The following RBM47 variants were observed in gnomAD, a reference collection of about 807,000 sequenced individuals.
RBM47 encodes the protein RNA-binding protein 47.
In RBM47, 21 loss-of-function variants were observed where a neutral mutation model predicts 47.1. The observed-to-expected ratio is 0.45, with a 90% CI of 0.32 to 0.64. The LOEUF (loss-of-function observed/expected upper bound fraction) is 0.64, where lower values mean the gene tolerates loss of function less well. RBM47 is among the 30% of genes least tolerant of loss of function. The pLI is 0.05. For synonymous variants in RBM47, 375 were observed against 361.7 expected (o/e 1.04, Z -0.42); for missense variants, 708 against 870.9 (o/e 0.81, Z 2.35).
chr4:40,502,904 C>G (rs1443020998), intron 2 of RBM47, among the ~76,000 whole-genome samples: 1 of 149,834 alleles, frequency 6.7e-6, no homozygotes, highest in South Asian at 2.1e-4. Context: ...CTTTGGGAGG[C>G]CAAGGCAGGA....
Position 40,438,537 on chromosome 4 carries a change from G to C in RBM47, c.357C>G (p.Cys119Trp). ...CTGCGCGCTTGGCCTCGTGCTTGTG[G>C]CAGTACATGACGAAGGCGTAGCCGC... is the stretch of plus-strand genomic sequence containing the variant. Reference protein sequence around the residue: ...KNRGYAFVMYCHKHEAKRAVR... With the variant: ...KNRGYAFVMYWHKHEAKRAVR... The change falls in exon 4 of 7, where the codon TGC (cysteine) becomes TGG (tryptophan). Residue 119 changes from cysteine to tryptophan, a missense_variant. Cys to Trp is a radical substitution (Grantham distance 215). Transcript: ENST00000295971. 6.2e-7 allele frequency: 1 copy of C among 1,613,856 alleles called. No homozygotes were observed. The highest frequency in any genetic ancestry group is 8.5e-7 in the Non-Finnish European group (1 of 1,179,950).
Position 40,629,459 on chromosome 4 carries a change from C to A in RBM47, c.-303G>T, listed in dbSNP as rs12498424. The stretch of plus-strand genomic sequence containing the variant: ...ATTAACACCATTCACAGCCCAGGAG[C>A]AACTTAACACAGCTAGGAAGTCACC... On this transcript the variant is annotated 5_prime_UTR_variant, in exon 1 of 7. Transcript: ENST00000295971. 32,568 of 152,090 alleles carry A rather than the reference C, an allele frequency of 0.21. 3,706 individuals are homozygous for A. Among genetic ancestry groups the A allele is most frequent in the Admixed American group, 0.28 (4,276 of 15,262 alleles). The allele number at this position is 152,090 out of a possible 1,614,324, so 9.4% of individuals were successfully genotyped here.
At chr4:40,496,393 G>T (rs1475701021) in intron 2 of RBM47, among the ~76,000 whole-genome samples, 1 of 151,528 alleles carries the variant, frequency 6.6e-6, no homozygotes, top group Non-Finnish European at 1.5e-5. Flanking sequence ...ATCTTTGTAG[G>T]GTCCTGGGCC....
At chr4:40,455,742 C>A (rs540878315) in intron 3 of RBM47, 1 of 152,208 alleles carries the variant, frequency 6.6e-6, no homozygotes, top group South Asian at 2.1e-4. Context: ...AGAGGGTAAC[C>A]CTGCCTCATA....
At chr4:40,446,032 C>T (rs1283511860) in intron 3 of RBM47, among the ~76,000 whole-genome samples, 3 of 152,212 alleles carry the variant, frequency 2.0e-5, no homozygotes, top group African/African-American at 4.8e-5. Context: ...TAGAGTCAGA[C>T]AGTCTGAAGT....
chr4:40,602,083 G>A (rs967672280), intron 1 of RBM47, among the ~76,000 whole-genome samples: 1 of 152,132 alleles, frequency 6.6e-6, no homozygotes, highest in African/African-American at 2.4e-5. Flanking sequence ...CAGGAGAATC[G>A]CTTGAGCCCG....
intron 1 of RBM47, among the ~76,000 whole-genome samples, chr4:40,573,939 A>G (rs1248774401): frequency 6.6e-6 from 1 of 152,260 alleles, no homozygotes; most frequent in Non-Finnish European, 1.5e-5. Flanking sequence ...AAAACTTTAT[A>G]AAATTGTATT....
chr4:40,615,508 TGG>T (rs1736643098), intron 1 of RBM47, among the ~76,000 whole-genome samples: 1 of 152,034 alleles, frequency 6.6e-6, no homozygotes. Flanking sequence ...TAGCCAGATA[TGG>T]TGGCTCACAC....
chr4:40,576,318 T>A (rs529352676), intron 1 of RBM47, among the ~76,000 whole-genome samples: 1 of 151,620 alleles, frequency 6.6e-6, no homozygotes, highest in South Asian at 2.1e-4. Context: ...CCTGATCAAT[T>A]TTTTAAAAAA....
In RBM47 at chr4:40,425,887, C is replaced by T. The variant is rs139448141; in HGVS notation, c.*17G>A. On this transcript the variant is annotated 3_prime_UTR_variant, in exon 7 of 7. Transcript: ENST00000295971. ...CAGTGGTGTTTGTGTGGTCTGTCTTCGTGCTGGTCACCAGCCTCAGTATGT... is the reference window on the plus strand; with the variant it reads ...CAGTGGTGTTTGTGTGGTCTGTCTTTGTGCTGGTCACCAGCCTCAGTATGT... The T allele has an allele frequency of 1.1e-5, 18 of 1,613,082 alleles. No individual in the cohort carries two copies. The highest frequency in any genetic ancestry group is 4.0e-5 in the African/African-American group (3 of 75,036).
chr4:40,606,334 G>A (rs1449723216), intron 1 of RBM47, among the ~76,000 whole-genome samples: 1 of 151,828 alleles, frequency 6.6e-6, no homozygotes, highest in African/African-American at 2.4e-5. Flanking sequence ...GAGAATCAGG[G>A]AACTTCTGGG....
At chr4:40,601,506 A>G (rs554045441) in intron 1 of RBM47, among the ~76,000 whole-genome samples, 1 of 152,254 alleles carries the variant, frequency 6.6e-6, no homozygotes, top group Non-Finnish European at 1.5e-5. Context: ...AAAGATTTCA[A>G]TGACATCTCA....
chr4:40,432,889 A>T (rs1320791899), intron 5 of RBM47, 27 bp from the exon 6 acceptor site: 12 of 1,612,086 alleles, frequency 7.4e-6, no homozygotes, highest in Non-Finnish European at 9.3e-6. Flanking sequence ...AAGGAAAAAC[A>T]GGTCAATCAC....
At chr4:40,502,821 G>A (rs1000952437) in intron 2 of RBM47, among the ~76,000 whole-genome samples, 20 of 152,062 alleles carry the variant, frequency 1.3e-4, no homozygotes, top group Middle Eastern at 3.4e-3. Flanking sequence ...ACTCCAGCCT[G>A]GGTTGAGAGA....
chr4:40,459,958 G>A (rs1339405639), intron 3 of RBM47, among the ~76,000 whole-genome samples: 1 of 152,162 alleles, frequency 6.6e-6, no homozygotes, highest in African/African-American at 2.4e-5. Context: ...GTTTCACCAC[G>A]TTGGTCAGGC....
At chr4:40,520,966 G>A (rs867728610) in intron 2 of RBM47, among the ~76,000 whole-genome samples, 4 of 152,096 alleles carry the variant, frequency 2.6e-5, no homozygotes, top group African/African-American at 4.8e-5. Flanking sequence ...CCTTTTACAC[G>A]GCATTGACAC....
At chr4:40,488,844 C>G (rs573848694) in intron 2 of RBM47, among the ~76,000 whole-genome samples, 22 of 152,204 alleles carry the variant, frequency 1.4e-4, no homozygotes, top group Non-Finnish European at 3.2e-4. Context: ...GGGTGCTTCA[C>G]ATATGCTATT....
At chr4:40,445,528 T>C (rs1036829176) in intron 3 of RBM47, among the ~76,000 whole-genome samples, 1 of 152,222 alleles carries the variant, frequency 6.6e-6, no homozygotes, top group Non-Finnish European at 1.5e-5. Flanking sequence ...ATGTGCCAGA[T>C]ACTGTGCTAG....
intron 1 of RBM47, among the ~76,000 whole-genome samples, chr4:40,608,940 CAT>C (rs1269533281): frequency 6.6e-6 from 1 of 152,164 alleles, no homozygotes; most frequent in Admixed American, 6.6e-5. Flanking sequence ...TGACACGAAA[CAT>C]GTGAGCTCTC....
Sources: allele counts gnomAD v4.1 joint callset (sites outside exome capture counted in the v4.1 genomes callset), GRCh38; gene constraint gnomAD v4.1.1; transcripts MANE v1.5; gene names NCBI Gene and HGNC (gene_info 2026-07-23, HGNC 2026-07-21).